The following RADIL variants were observed in gnomAD, a reference collection of about 807,000 sequenced individuals.
RADIL encodes the protein Rap associating with DIL domain.
Under a neutral mutation model 97.6 loss-of-function variants are expected in RADIL, and 99 were observed. The ratio of observed to expected loss-of-function variants is 1.01; its 90% confidence interval spans 0.86 to 1.20. The LOEUF (loss-of-function observed/expected upper bound fraction) is 1.20. Among genes scored for constraint, RADIL ranks in the 50% most tolerant of loss-of-function variants. RADIL has a pLI of 0.00. For missense variants in RADIL, 1,765 were observed against 1,498.9 expected (o/e 1.18, Z -2.93); for synonymous variants, 803 against 691.8 (o/e 1.16, Z -2.52).
chr7:4,812,933 A>C (rs1782583728), intron 9 of RADIL, among the ~76,000 whole-genome samples: 1 of 152,094 alleles, frequency 6.6e-6, no homozygotes. Context: ...TTTTCCTCTT[A>C]AGACTGCTTT....
chr7:4,829,107 A>C (rs1259478048), intron 5 of RADIL, among the ~76,000 whole-genome samples: 1 of 151,936 alleles, frequency 6.6e-6, no homozygotes, highest in Non-Finnish European at 1.5e-5. Flanking sequence ...CCCAACTCCC[A>C]TGCAAACTTC....
Position 4,814,636 on chromosome 7 carries a change from C to T in RADIL, c.2139+642G>A, listed in dbSNP as rs1307571752. 3.9e-5 allele frequency among the ~76,000 whole-genome samples: 6 copies of T among 152,188 alleles called. No individual in the cohort carries two copies. Among genetic ancestry groups the T allele is most frequent in the Admixed American group, 1.3e-4 (2 of 15,280 alleles). ...TTTCCCATTGCCGTTGTGACAAATG[C>T]CCACACGCCTGGCGGTCACGGCCAC... On this transcript the variant is annotated intron_variant, in intron 9 of 14. Transcript: ENST00000399583. The surrounding 1 kb of genome is among the most constrained non-coding windows in gnomAD (Gnocchi z 4.5).
chr7:4,840,976 C>CA lies in RADIL; in HGVS notation c.536-4372dup, dbSNP rs1419956526. 6.6e-6 allele frequency among the ~76,000 whole-genome samples: 1 copy of CA among 152,158 alleles called. No homozygotes were observed. The highest frequency in any genetic ancestry group is 1.5e-5 in the Non-Finnish European group (1 of 68,016). On this transcript the variant is annotated intron_variant, in intron 2 of 14. Coordinates refer to ENST00000399583, the MANE Select transcript of RADIL (RefSeq NM_018059.5). This position sits in a 1 kb window ranked among gnomAD's most constrained non-coding sequence, Gnocchi z 5.6. ...AGCGAGACTCCGTCTCAAAACAAAA[C>CA]AAAACAACAACAACGAAAAGAAACC...
rs1035666150 is a variant in RADIL at position 4,798,055 on chromosome 7, A to G, written c.*1323T>C. 2 of 147,820 alleles carry G rather than the reference A, an allele frequency of 1.4e-5. No homozygotes were observed. The highest frequency in any genetic ancestry group is 3.0e-5 in the Non-Finnish European group (2 of 67,260). 9.2% of individuals were successfully genotyped at this position (147,820 alleles called of 1,614,324 possible). On this transcript the variant is annotated 3_prime_UTR_variant, in exon 15 of 15. Coordinates refer to ENST00000399583, the MANE Select transcript of RADIL (RefSeq NM_018059.5). ...AAATATACGAATATATTACGTATAC[A>G]TGAATATGTAATATATTCATATATA... is the stretch of plus-strand genomic sequence containing the variant.
chr7:4,800,405 A>G, intron 12 of RADIL, 95 bp from the exon 13 acceptor site: 3 of 1,294,650 alleles, frequency 2.3e-6, no homozygotes, highest in Non-Finnish European at 3.0e-6. Context: ...GTAGGGCGTC[A>G]GGGATGGGAT....
chr7:4,858,956 A>G (rs1218628963), intron 2 of RADIL: 1 of 152,242 alleles, frequency 6.6e-6, no homozygotes, highest in African/African-American at 2.4e-5. Flanking sequence ...TGGAGCTTTG[A>G]TAGCTCAAAG....
At chr7:4,860,286 G>T in intron 2 of RADIL, 1 of 1,613,892 alleles carries the variant, frequency 6.2e-7, no homozygotes, top group Admixed American at 1.7e-5. Flanking sequence ...TCTGTTGAGT[G>T]TGCTTTCTTG....
chr7:4,871,307 T>C (rs544598218), intron 2 of RADIL, among the ~76,000 whole-genome samples: 2 of 152,316 alleles, frequency 1.3e-5, no homozygotes, highest in African/African-American at 2.4e-5. Flanking sequence ...AAGAAAAATA[T>C]TTCAAATGAA....
intron 2 of RADIL, among the ~76,000 whole-genome samples, chr7:4,856,215 G>A (rs1455405521): frequency 6.6e-6 from 1 of 151,684 alleles, no homozygotes; most frequent in Non-Finnish European, 1.5e-5. Flanking sequence ...CTCCTGCATC[G>A]GCCTCCTGGG....
chr7:4,829,476 T>C (rs1161985404), intron 5 of RADIL, among the ~76,000 whole-genome samples: 1 of 152,142 alleles, frequency 6.6e-6, no homozygotes, highest in East Asian at 1.9e-4. Context: ...CCCTCCTACC[T>C]TTGAAAGAAG....
chr7:4,819,215 G>A lies in RADIL; in HGVS notation c.1616-1864C>T, dbSNP rs550037841. 6.6e-6 allele frequency among the ~76,000 whole-genome samples: 1 copy of A among 152,152 alleles called. No individual in the cohort carries two copies. Among genetic ancestry groups the A allele is most frequent in the South Asian group, 2.1e-4 (1 of 4,822 alleles). ...GCCTCCCAAGTAGCTAGGACTACAG[G>A]CACATGCCACCATGCCTGGCTAATT... On this transcript the variant is annotated intron_variant, in intron 6 of 14. Coordinates refer to ENST00000399583, the MANE Select transcript of RADIL (RefSeq NM_018059.5). This position sits in a 1 kb window ranked among gnomAD's most constrained non-coding sequence, Gnocchi z 5.8.
rs436211 is a variant in RADIL, at chr7:4,879,904, G to A, written c.-64-1701C>T. Among the ~76,000 whole-genome samples the A allele has an allele frequency of 6.6e-6, 1 of 152,132 alleles. No homozygotes were observed. Among genetic ancestry groups the A allele is most frequent in the African/African-American group, 2.4e-5 (1 of 41,410 alleles). On this transcript the variant is annotated intron_variant, in intron 1 of 14. Coordinates refer to ENST00000399583, the MANE Select transcript of RADIL (RefSeq NM_018059.5). The surrounding 1 kb of genome is among the most constrained non-coding windows in gnomAD (Gnocchi z 4.1). ...GAGTCCTGAAATCAGACCACCACTCGCTTCCTCCAGAACCAGCCCAGGTCA... is the reference window on the plus strand; with the variant it reads ...GAGTCCTGAAATCAGACCACCACTCACTTCCTCCAGAACCAGCCCAGGTCA...
At chr7:4,807,824 CTCT>C (rs1158565906) in intron 9 of RADIL, among the ~76,000 whole-genome samples, 7 of 63,734 alleles carry the variant, frequency 1.1e-4, no homozygotes, top group East Asian at 4.4e-4. Flanking sequence ...CTTCCTACCC[CTCT>C]TCTTCTCTCT....
At chr7:4,855,204 C>A (rs1429022962) in intron 2 of RADIL, among the ~76,000 whole-genome samples, 2 of 152,156 alleles carry the variant, frequency 1.3e-5, no homozygotes, top group South Asian at 4.1e-4. Context: ...GAACTTTCGG[C>A]TACTACAAAA....
chr7:4,876,804 C>G (rs946205274), intron 2 of RADIL, among the ~76,000 whole-genome samples: 30 of 152,196 alleles, frequency 2.0e-4, no homozygotes, highest in African/African-American at 7.0e-4. Context: ...GGCCTCCCAC[C>G]ACCCAGGCAC....
chr7:4,815,577 C>G lies in RADIL; in HGVS notation c.1967-127G>C. Reference sequence around the variant, plus strand: ...GAGGACATCACAGCTCGATGACAGGCAGGACACCTTCCCTCGGTTTTCAAG... The same window carrying G: ...GAGGACATCACAGCTCGATGACAGGGAGGACACCTTCCCTCGGTTTTCAAG... On this transcript the variant is annotated intron_variant, in intron 8 of 14. Transcript: ENST00000399583. The surrounding 1 kb of genome is among the most constrained non-coding windows in gnomAD (Gnocchi z 8.0). 9.5e-7 allele frequency: 1 copy of G among 1,049,080 alleles called. No homozygotes were observed. The highest frequency in any genetic ancestry group is 1.3e-6 in the Non-Finnish European group (1 of 754,164). 65.0% of individuals were successfully genotyped at this position (1,049,080 alleles called of 1,614,324 possible).
At chr7:4,836,937 C>A (rs1783316812) in intron 2 of RADIL, among the ~76,000 whole-genome samples, 1 of 151,942 alleles carries the variant, frequency 6.6e-6, no homozygotes, top group Admixed American at 6.6e-5. Context: ...AAACTCCATC[C>A]CCCGCCAAAA....
chr7:4,808,570 G>A (rs1782421333), intron 9 of RADIL: 1 of 976,194 alleles, frequency 1.0e-6, no homozygotes, highest in South Asian at 4.7e-5. Flanking sequence ...AGACAAAAGC[G>A]GCCGCAAAGC....
At chr7:4,838,914 C>G (rs1783370914) in intron 2 of RADIL, among the ~76,000 whole-genome samples, 1 of 152,260 alleles carries the variant, frequency 6.6e-6, no homozygotes. Context: ...GTGGAACAGC[C>G]AGCAGGACCC....
Sources: gnomAD v4.1 joint callset for allele counts (sites outside exome capture counted in the v4.1 genomes callset) on GRCh38, gnomAD v4.1.1 for gene constraint, Gnocchi (gnomAD v3.1) non-coding constraint, MANE v1.5 for transcripts, NCBI Gene and HGNC (gene_info 2026-07-23, HGNC 2026-07-21) for gene names.